LGALS9C: variants seen among roughly 807,000 people sequenced by gnomAD.
LGALS9C encodes galectin-9C.
A neutral mutation model predicts 41.3 loss-of-function variants in LGALS9C; 7 were observed. The observed-to-expected ratio is 0.17, with a 90% CI of 0.10 to 0.32. The LOEUF is 0.32. Among genes scored for constraint, LGALS9C ranks in the 10% least tolerant of loss-of-function variants. The probability of loss-of-function intolerance (pLI) is 1.00; values close to 1 mark genes in which losing one functional copy is unlikely to be tolerated. For synonymous variants in LGALS9C, 44 were observed against 171.0 expected, an observed-to-expected ratio of 0.26 and a Z score of 5.80; for missense variants, 102 against 455.2, an observed-to-expected ratio of 0.22 and a Z score of 7.06.
chr17:18,476,946 C>G (rs77759205), intron 1 of LGALS9C, 53 bp downstream of exon 1: 1 of 1,387,406 alleles, frequency 7.2e-7, no homozygotes, highest in South Asian at 1.2e-5. Flanking sequence ...GGACACAGTT[C>G]TGGGGCTCTG....
chr17:18,478,804 C>A (rs948526716), intron 1 of LGALS9C, among the ~76,000 whole-genome samples: 1 of 56,036 alleles, frequency 1.8e-5, no homozygotes, highest in African/African-American at 5.0e-5. Context: ...TAGCTTTGGG[C>A]AAGTGACTGA....
At chr17:18,483,367 C>T (rs1261700074) in intron 1 of LGALS9C, among the ~76,000 whole-genome samples, 1 of 127,922 alleles carries the variant, frequency 7.8e-6, no homozygotes, top group African/African-American at 2.6e-5. Flanking sequence ...TTGACACTCT[C>T]TGGTGACCCT....
At chr17:18,491,187 G>A (rs1598151546) in intron 6 of LGALS9C, 86 bp from the exon 7 acceptor site, 3 of 1,212,840 alleles carry the variant, frequency 2.5e-6, no homozygotes, top group East Asian at 4.6e-5. Flanking sequence ...CCCCTGGAGG[G>A]TGCCTGCCGT....
chr17:18,478,203 C>T (rs1441108225), intron 1 of LGALS9C, among the ~76,000 whole-genome samples: 1 of 129,714 alleles, frequency 7.7e-6, no homozygotes, highest in East Asian at 1.9e-4. Flanking sequence ...TTGAGCATGT[C>T]ACCCCATTTC....
Position 18,494,739 on chromosome 17 carries a change from G to A in LGALS9C, c.*372G>A, listed in dbSNP as rs1989947998. On this transcript the variant is annotated 3_prime_UTR_variant, in exon 11 of 11. Coordinates refer to ENST00000328114, the MANE Select transcript of LGALS9C (RefSeq NM_001040078.3). ...AAGCCACCAGCTGTCTGCTCCTGGT[G>A]GGAGATGGCCTCCTCAGCCCCTCCT... is the stretch of plus-strand genomic sequence containing the variant. The A allele has an allele frequency of 3.4e-6, 1 of 290,478 alleles. No individual in the cohort carries two copies. The highest frequency in any genetic ancestry group is 2.1e-5 in the African/African-American group (1 of 47,608). 18.0% of individuals were successfully genotyped at this position (290,478 alleles called of 1,614,324 possible).
At chr17:18,487,292 CA>C (rs1202417016) in intron 3 of LGALS9C, among the ~76,000 whole-genome samples, 2,527 of 19,010 alleles carry the variant, frequency 0.13, 9 homozygotes, top group South Asian at 0.19. Flanking sequence ...CACTCTATCT[CA>C]AAAAAAAAAA....
chr17:18,487,665 C>T lies in LGALS9C; in HGVS notation c.352C>T (p.Leu118Phe), dbSNP rs1598147978. Residue 118 changes from leucine to phenylalanine, a missense_variant, in exon 4 of 11, where the codon CTC becomes TTC. Transcript: ENST00000328114. ...CTGGCAGGTGATGGTGAACGGGAGC[C>T]TCTTCGTGCAGTACTTCCACCGCGT... ...SDFKVMVNGS[L>F]FVQYFHRVPF... is the part of the protein sequence containing the mutation. 1 of 1,501,460 alleles carries T rather than the reference C, an allele frequency of 6.7e-7. No homozygotes were observed. The highest frequency in any genetic ancestry group is 9.1e-7 in the Non-Finnish European group (1 of 1,100,352). 93.0% of individuals were successfully genotyped at this position (1,501,460 alleles called of 1,614,324 possible).
chr17:18,481,643 C>T (rs1012234681), intron 1 of LGALS9C, among the ~76,000 whole-genome samples: 2 of 118,334 alleles, frequency 1.7e-5, no homozygotes, highest in African/African-American at 5.4e-5. Context: ...CACAGAGAAG[C>T]TGTGATTTGC....
chr17:18,483,686 T>C (rs373649308), intron 1 of LGALS9C, among the ~76,000 whole-genome samples, 189 bp from the exon 2 acceptor site: 5,251 of 92,574 alleles, frequency 0.057, 10 homozygotes, highest in Middle Eastern at 0.12. Context: ...GAGTAACTAA[T>C]TGGATTTGTG....
chr17:18,483,141 G>A (rs1408407872), intron 1 of LGALS9C, among the ~76,000 whole-genome samples: 2 of 124,112 alleles, frequency 1.6e-5, no homozygotes, highest in Non-Finnish European at 3.9e-5. Context: ...AACGATGCAT[G>A]CCTCACCATG....
At chr17:18,492,574 G>A in intron 9 of LGALS9C, 29 bp downstream of exon 9, 2 of 1,588,470 alleles carry the variant, frequency 1.3e-6, no homozygotes, top group Non-Finnish European at 1.7e-6. Flanking sequence ...TGACCTCTGG[G>A]AAGAGAGAGC....
intron 1 of LGALS9C, among the ~76,000 whole-genome samples, chr17:18,478,843 G>A (rs1045484535): frequency 4.0e-5 from 2 of 50,370 alleles, no homozygotes; most frequent in African/African-American, 1.1e-4. Context: ...TTCCTCATCT[G>A]TAAAAGTGGC....
Position 18,494,511 on chromosome 17 carries a change from T to C in LGALS9C, c.*144T>C. On this transcript the variant is annotated 3_prime_UTR_variant, in exon 11 of 11. Transcript: ENST00000328114. ...AGGCCATGTCCTTATCTGGTCCTGC[T>C]TCTGGCTACAGCCACCCTGGAATCG... 9.1e-7 allele frequency: 1 copy of C among 1,098,732 alleles called. No homozygotes were observed. Among genetic ancestry groups the C allele is most frequent in the Non-Finnish European group, 1.3e-6 (1 of 772,524 alleles). 68.1% of individuals were successfully genotyped at this position (1,098,732 alleles called of 1,614,324 possible).
intron 3 of LGALS9C, among the ~76,000 whole-genome samples, chr17:18,487,415 G>T (rs1168878382): frequency 5.6e-4 from 26 of 46,392 alleles, no homozygotes; most frequent in Non-Finnish European, 1.1e-3. Context: ...GCTGGAAATC[G>T]AGGAGTGAGA....
intron 1 of LGALS9C, 42 bp downstream of exon 1, chr17:18,476,935 G>A (rs763745353): frequency 1.3e-5 from 20 of 1,547,912 alleles, no homozygotes; most frequent in Non-Finnish European, 1.8e-5. Context: ...CTCAGCCAGG[G>A]GGACACAGTT....
At position 18,476,875 on chromosome 17, in the gene LGALS9C, G is replaced by A. The variant is rs145087604; in HGVS notation, c.21G>A (p.Gln7=). Residue 7 remains glutamine, a synonymous_variant, in exon 1 of 11, where the codon CAG becomes CAA. Coordinates refer to ENST00000328114, the MANE Select transcript of LGALS9C (RefSeq NM_001040078.3). The part of the protein sequence containing the change: MAFSGC[Q]APYLSPAVPF... ...GAGAGATGGCCTTCAGCGGTTGCCA[G>A]GCTCCCTATCTGAGCCCAGTGAGTT... The A allele has an allele frequency of 1.2e-4, 187 of 1,601,890 alleles. No homozygotes were observed. In the African/African-American group the frequency reaches 2.0e-3, roughly 17 times the overall value.
Position 18,494,406 on chromosome 17 carries a change from G to T in LGALS9C, c.*39G>T, listed in dbSNP as rs533228248. 60 of 1,551,108 alleles carry T rather than the reference G, an allele frequency of 3.9e-5. 5 individuals carry two copies. The South Asian group carries it at 6.1e-4, about 16-fold the overall frequency. On this transcript the variant is annotated 3_prime_UTR_variant, in exon 11 of 11. Transcript: ENST00000328114. ...CCTGGGGCCGGGGGCTGGGGTGTGGGGCAGTCTGGGTCCTCTCATCATCCC... is the reference window on the plus strand; with the variant it reads ...CCTGGGGCCGGGGGCTGGGGTGTGGTGCAGTCTGGGTCCTCTCATCATCCC...
rs1162303824 is a variant in LGALS9C at position 18,482,685 on chromosome 17, C to T, written c.40-1190C>T. ...CCACTCCCTACCTGGCCATCTGACT[C>T]ATACACATCACCTGCCTGGCTTCTT... On this transcript the variant is annotated intron_variant, in intron 1 of 10. Coordinates refer to ENST00000328114, the MANE Select transcript of LGALS9C (RefSeq NM_001040078.3). Among the ~76,000 whole-genome samples the T allele has an allele frequency of 4.8e-4, 67 of 140,036 alleles. No individual in the cohort carries two copies. In the East Asian group the frequency reaches 0.013, roughly 26 times the overall value. The allele number at this position is 140,036 out of a possible 152,430, so 91.9% of individuals were successfully genotyped here. A position where few individuals can be genotyped will look rare whatever the true frequency, so the allele number is the denominator to read the frequency against.
intron 8 of LGALS9C, chr17:18,492,214 C>T (rs1417527528): frequency 2.0e-6 from 1 of 490,172 alleles, no homozygotes; most frequent in African/African-American, 2.1e-5. Context: ...ATGGCCCTCC[C>T]TTTTCACCCC....
Sources: gnomAD v4.1 joint callset for allele counts (sites outside exome capture counted in the v4.1 genomes callset) on GRCh38, gnomAD v4.1.1 for gene constraint, MANE v1.5 for transcripts, NCBI Gene and HGNC (gene_info 2026-07-23, HGNC 2026-07-21) for gene names.